The following ENOX1 variants were observed in gnomAD, a reference collection of about 807,000 sequenced individuals.
ENOX1 encodes candidate growth-related and time keeping constitutive hydroquinone (NADH) oxidase.
A neutral mutation model predicts 82.5 loss-of-function variants in ENOX1; 42 were observed. The ratio of observed to expected loss-of-function variants is 0.51; its 90% CI spans 0.40 to 0.66. ENOX1 has a LOEUF of 0.66. Ranked by LOEUF, ENOX1 falls within the 30% of genes least tolerant of loss-of-function variation. The pLI is 0.00. For synonymous variants in ENOX1, 271 were observed against 282.2 expected (o/e 0.96, Z 0.40); for missense variants, 608 against 811.6 (o/e 0.75, Z 3.05).
chr13:43,291,098 T>C (rs781211519), intron 12 of ENOX1, among the ~76,000 whole-genome samples: 1 of 152,368 alleles, frequency 6.6e-6, no homozygotes, highest in Admixed American at 6.5e-5. Context: ...TACCAAATGT[T>C]GAATTTTTCT....
chr13:43,290,039 A>T (rs2153500555), intron 12 of ENOX1, among the ~76,000 whole-genome samples: 1 of 152,350 alleles, frequency 6.6e-6, no homozygotes, highest in South Asian at 2.1e-4. Flanking sequence ...ATCTCACACC[A>T]GTCAGAATGG....
At chr13:43,308,000 T>C (rs1293904458) in intron 11 of ENOX1, among the ~76,000 whole-genome samples, 1 of 152,206 alleles carries the variant, frequency 6.6e-6, no homozygotes, top group Non-Finnish European at 1.5e-5. Context: ...GCAGAGGCTT[T>C]TCTCCTTGGC....
chr13:43,427,431 G>A (rs2055382065), intron 3 of ENOX1, among the ~76,000 whole-genome samples: 2 of 152,218 alleles, frequency 1.3e-5, no homozygotes, highest in African/African-American at 4.8e-5. Flanking sequence ...GAATGGCAGA[G>A]CCCAGGACTC....
chr13:43,246,497 C>A (rs2043089004), intron 14 of ENOX1, among the ~76,000 whole-genome samples: 1 of 152,346 alleles, frequency 6.6e-6, no homozygotes, highest in East Asian at 1.9e-4. Flanking sequence ...CACCCACGGG[C>A]TGGCTGAGGA....
chr13:43,579,338 AAAG>A (rs890770007), intron 2 of ENOX1, among the ~76,000 whole-genome samples: 1 of 152,230 alleles, frequency 6.6e-6, no homozygotes, highest in Non-Finnish European at 1.5e-5. Context: ...GAGATATTAG[AAAG>A]AAGATTTATG....
chr13:43,613,225 C>T (rs1033161088), intron 2 of ENOX1, among the ~76,000 whole-genome samples: 1 of 152,080 alleles, frequency 6.6e-6, no homozygotes, highest in African/African-American at 2.4e-5. Flanking sequence ...TAACTACAGT[C>T]AGAAATTGGT....
chr13:43,770,178 A>G (rs1166966008), intron 1 of ENOX1, among the ~76,000 whole-genome samples: 1 of 152,242 alleles, frequency 6.6e-6, no homozygotes, highest in African/African-American at 2.4e-5. Flanking sequence ...CTTCTTTAAC[A>G]AAACTCTTAG....
At chr13:43,778,926 GCTGA>G (rs920842597) in intron 1 of ENOX1, among the ~76,000 whole-genome samples, 4 of 152,282 alleles carry the variant, frequency 2.6e-5, no homozygotes, top group African/African-American at 7.2e-5. Context: ...TCTATGTCAT[GCTGA>G]CTGTTTTAGA....
chr13:43,338,977 G>T (rs948134619), intron 9 of ENOX1, among the ~76,000 whole-genome samples: 1 of 152,162 alleles, frequency 6.6e-6, no homozygotes, highest in Non-Finnish European at 1.5e-5. Context: ...GAGCCACCGT[G>T]CCCGGCCTCG....
At chr13:43,782,829 C>T (rs1952352864) in intron 1 of ENOX1, among the ~76,000 whole-genome samples, 1 of 152,158 alleles carries the variant, frequency 6.6e-6, no homozygotes, top group Admixed American at 6.5e-5. Context: ...CATTCATTAT[C>T]ATTTTAGCAT....
chr13:43,722,579 C>T (rs964003352), intron 1 of ENOX1, among the ~76,000 whole-genome samples: 2 of 152,044 alleles, frequency 1.3e-5, no homozygotes, highest in Non-Finnish European at 2.9e-5. Flanking sequence ...AAATAATAAC[C>T]ATAATGATGG....
intron 2 of ENOX1, among the ~76,000 whole-genome samples, chr13:43,527,613 T>G (rs1278883713): frequency 1.3e-5 from 2 of 152,126 alleles, no homozygotes; most frequent in Non-Finnish European, 2.9e-5. Flanking sequence ...AATAATATGC[T>G]TTTTGGTTTC....
chr13:43,618,200 G>C (rs2082566701), intron 2 of ENOX1, among the ~76,000 whole-genome samples: 1 of 152,148 alleles, frequency 6.6e-6, no homozygotes. Flanking sequence ...TGGTTTGTGT[G>C]TTTACTTTGC....
At chr13:43,338,810 C>T (rs1167609560) in intron 9 of ENOX1, among the ~76,000 whole-genome samples, 1 of 151,508 alleles carries the variant, frequency 6.6e-6, no homozygotes, top group Non-Finnish European at 1.5e-5. Context: ...CTCAGCCTCC[C>T]GAGTATCTGG....
intron 1 of ENOX1, among the ~76,000 whole-genome samples, chr13:43,772,201 G>A (rs1951672971): frequency 6.6e-6 from 1 of 151,940 alleles, no homozygotes; most frequent in Admixed American, 6.6e-5. Context: ...CTACTTACAT[G>A]GTATTTCATG....
intron 2 of ENOX1, among the ~76,000 whole-genome samples, chr13:43,614,476 G>A (rs1470810742): frequency 2.7e-5 from 4 of 150,804 alleles, no homozygotes; most frequent in Non-Finnish European, 4.4e-5. Flanking sequence ...CCTGGCTTTG[G>A]ACCTCAAGCT....
intron 1 of ENOX1, among the ~76,000 whole-genome samples, chr13:43,695,541 G>A (rs1162720692): frequency 7.5e-5 from 11 of 147,246 alleles, no homozygotes; most frequent in Admixed American, 6.2e-4. Context: ...TCCATCTCCC[G>A]AGTTGAAGCA....
chr13:43,714,736 C>T (rs1371670057), intron 1 of ENOX1, among the ~76,000 whole-genome samples: 1 of 152,094 alleles, frequency 6.6e-6, no homozygotes, highest in African/African-American at 2.4e-5. Flanking sequence ...AGGATTGCAA[C>T]CCCTGCCTTT....
chr13:43,641,529 A>T (rs919181812), intron 2 of ENOX1, among the ~76,000 whole-genome samples: 31 of 83,128 alleles, frequency 3.7e-4, no homozygotes, highest in Admixed American at 9.8e-4. Flanking sequence ...TTAATTTTTA[A>T]TTTTTTTTTT....
Sources: allele counts gnomAD v4.1 joint callset (sites outside exome capture counted in the v4.1 genomes callset), GRCh38; gene constraint gnomAD v4.1.1; transcripts MANE v1.5; gene names NCBI Gene and HGNC (gene_info 2026-07-23, HGNC 2026-07-21).